The following ABCD2 variants were observed in gnomAD, a reference collection of about 807,000 sequenced individuals.
The protein encoded by ABCD2 is ATP binding cassette subfamily D member 2.
Under a neutral mutation model 70.9 loss-of-function variants are expected in ABCD2, and 36 were observed. The observed-to-expected ratio is 0.51, with a 90% CI of 0.39 to 0.67. The LOEUF (loss-of-function observed/expected upper bound fraction) is 0.67, where lower values mean the gene tolerates loss of function less well. Ranked by LOEUF, ABCD2 falls within the 30% of genes least tolerant of loss-of-function variation. ABCD2 has a pLI of 0.00. For synonymous variants in ABCD2, 304 were observed against 306.9 expected, an observed-to-expected ratio of 0.99 and a Z score of 0.10; for missense variants, 729 against 890.2, an observed-to-expected ratio of 0.82 and a Z score of 2.30.
At chr12:39,566,031 CA>C (rs1941341380) in intron 9 of ABCD2, among the ~76,000 whole-genome samples, 1 of 152,056 alleles carries the variant, frequency 6.6e-6, no homozygotes, top group Non-Finnish European at 1.5e-5. Flanking sequence ...TTTAGTTTGC[CA>C]GTGTTTTATT....
chr12:39,549,702 C>T (rs1236182254), downstream of ABCD2, among the ~76,000 whole-genome samples: 7 of 151,650 alleles, frequency 4.6e-5, no homozygotes, highest in East Asian at 3.8e-4. Flanking sequence ...TTAATATTTA[C>T]GTTAAAAATA....
the ABCD2 span, among the ~76,000 whole-genome samples, chr12:39,535,166 C>T: frequency 6.6e-6 from 1 of 152,044 alleles, no homozygotes; most frequent in Non-Finnish European, 1.5e-5. Context: ...AGAGGGCTAT[C>T]AAACAAGATC....
chr12:39,582,485 G>A (rs934919468), intron 7 of ABCD2, among the ~76,000 whole-genome samples: 10 of 152,168 alleles, frequency 6.6e-5, no homozygotes, highest in Non-Finnish European at 1.3e-4. Context: ...CTTGGAAAGA[G>A]TTCTAGACCT....
At chr12:39,560,554 T>C (rs1312554650) in intron 9 of ABCD2, among the ~76,000 whole-genome samples, 2 of 152,134 alleles carry the variant, frequency 1.3e-5, no homozygotes, top group African/African-American at 2.4e-5. Flanking sequence ...AAGATGTAAA[T>C]TGTGACACTA....
At chr12:39,601,682 T>C (rs1013833273) in intron 5 of ABCD2, among the ~76,000 whole-genome samples, 1 of 152,096 alleles carries the variant, frequency 6.6e-6, no homozygotes, top group Non-Finnish European at 1.5e-5. Flanking sequence ...TGTCTGTAGA[T>C]CTAGCTTTGT....
intron 6 of ABCD2, among the ~76,000 whole-genome samples, chr12:39,593,357 G>A (rs527873225): frequency 6.6e-6 from 1 of 152,118 alleles, no homozygotes; most frequent in Admixed American, 6.6e-5. Context: ...GACTCAAGCA[G>A]CCCTCCCACC....
At chr12:39,538,133 C>A in the ABCD2 span, among the ~76,000 whole-genome samples, 62 of 151,962 alleles carry the variant, frequency 4.1e-4, no homozygotes, top group African/African-American at 1.5e-3. Context: ...GCTTGGGCCA[C>A]TCCCACACTG....
chr12:39,567,912 T>C (rs1426565734), intron 9 of ABCD2, among the ~76,000 whole-genome samples: 1 of 152,156 alleles, frequency 6.6e-6, no homozygotes, highest in Non-Finnish European at 1.5e-5. Flanking sequence ...TATGAAATTC[T>C]GGGTTGAAAA....
chr12:39,534,955 A>G, the ABCD2 span, among the ~76,000 whole-genome samples: 2 of 150,962 alleles, frequency 1.3e-5, no homozygotes, highest in Non-Finnish European at 2.9e-5. Flanking sequence ...AAAGAAAACA[A>G]AGAGAAAATA....
rs2120748089 is a variant in ABCD2 at position 39,607,679 on chromosome 12, T to A, written c.1156A>T (p.Thr386Ser). 6.2e-7 allele frequency: 1 copy of A among 1,612,860 alleles called. No individual in the cohort carries two copies. Among genetic ancestry groups the A allele is most frequent in the East Asian group, 2.2e-5 (1 of 44,812 alleles). ...GQKQVMVSERTEAFTTARNLL... is the reference protein window; with the variant it reads ...GQKQVMVSERSEAFTTARNLL... ...TTTCGAGCAGTGGTAAAGGCTTCTG[T>A]CCGTTCACTAACCATAACTTGCTTT... Residue 386 changes from threonine (T) to serine (S), a missense_variant, in exon 3 of 10, where the codon ACA (threonine) becomes TCA (serine). Thr to Ser is a moderately conservative substitution (Grantham distance 58, BLOSUM62 1). Around this residue, in one of 3 missense-constraint regions of ABCD2, gnomAD observed 195 missense variants for 300.2 expected, o/e 0.65. Coordinates refer to ENST00000308666, the MANE Select transcript of ABCD2 (RefSeq NM_005164.4).
rs1941100417 is a variant in ABCD2 at position 39,552,399 on chromosome 12, A to G, written c.*1513T>C. 3 of 151,932 alleles carry G rather than the reference A, an allele frequency of 2.0e-5. No individual in the cohort carries two copies. Among genetic ancestry groups the G allele is most frequent in the South Asian group, 4.1e-4 (2 of 4,826 alleles). 9.4% of individuals were successfully genotyped at this position (151,932 alleles called of 1,614,324 possible). A position where few individuals can be genotyped will look rare whatever the true frequency, so the allele number is the denominator to read the frequency against. On this transcript the variant is annotated 3_prime_UTR_variant, in exon 10 of 10. Transcript: ENST00000308666. Reference sequence around the variant, plus strand: ...AGGCCACTAACAACTGATCATTCCAATATTCTTCTGGTATGTCAATGTGGT... The same window carrying G: ...AGGCCACTAACAACTGATCATTCCAGTATTCTTCTGGTATGTCAATGTGGT...
At chr12:39,612,038 G>A (rs1249443339) in intron 2 of ABCD2, among the ~76,000 whole-genome samples, 2 of 152,094 alleles carry the variant, frequency 1.3e-5, no homozygotes, top group South Asian at 2.1e-4. Context: ...AGACCACAGT[G>A]AAGTACCACT....
At chr12:39,596,999 A>T (rs972356911) in intron 6 of ABCD2, among the ~76,000 whole-genome samples, 3 of 152,056 alleles carry the variant, frequency 2.0e-5, no homozygotes, top group African/African-American at 7.2e-5. Flanking sequence ...TTTTATGGTT[A>T]TGTTGTTGTT....
downstream of ABCD2, among the ~76,000 whole-genome samples, chr12:39,547,727 C>T (rs1448733652): frequency 1.3e-5 from 2 of 151,928 alleles, no homozygotes; most frequent in Non-Finnish European, 2.9e-5. Flanking sequence ...TGAACATCTG[C>T]TTCATAACAA....
the ABCD2 span, among the ~76,000 whole-genome samples, chr12:39,538,755 G>A: frequency 1.3e-5 from 2 of 152,214 alleles, no homozygotes; most frequent in African/African-American, 4.8e-5. Context: ...AACAGGGTGC[G>A]TCAGCAAGAT....
At chr12:39,616,031 G>A (rs558780406) in intron 2 of ABCD2, among the ~76,000 whole-genome samples, 4 of 152,106 alleles carry the variant, frequency 2.6e-5, no homozygotes, top group Non-Finnish European at 5.9e-5. Flanking sequence ...TTACAAATGA[G>A]GAAACTAAGG....
At chr12:39,577,344 T>G (rs1436970996) in intron 8 of ABCD2, among the ~76,000 whole-genome samples, 2 of 152,212 alleles carry the variant, frequency 1.3e-5, no homozygotes, top group African/African-American at 4.8e-5. Flanking sequence ...CTCTTTGCTC[T>G]AATTTCCAGT....
chr12:39,597,806 A>G (rs1367507103), intron 6 of ABCD2, among the ~76,000 whole-genome samples: 1 of 152,206 alleles, frequency 6.6e-6, no homozygotes, highest in Non-Finnish European at 1.5e-5. Context: ...ATCATATGTC[A>G]TTAATAAAGA....
At chr12:39,599,962 T>C (rs890663977) in intron 6 of ABCD2, among the ~76,000 whole-genome samples, 3 of 152,208 alleles carry the variant, frequency 2.0e-5, no homozygotes, top group African/African-American at 7.2e-5. Context: ...TATTACAAAT[T>C]CTTAGTGTAT....
Sources: gnomAD v4.1 joint callset for allele counts (sites outside exome capture counted in the v4.1 genomes callset) on GRCh38, gnomAD v4.1.1 for gene constraint, gnomAD v4.1.1 regional missense constraint, MANE v1.5 for transcripts, NCBI Gene and HGNC (gene_info 2026-07-23, HGNC 2026-07-21) for gene names.